Variants in QTMAN observed in about 807,000 individuals in gnomAD.
QTMAN encodes queuosine-tRNA mannosyltransferase.
chr2:144,239,900 T>G, the QTMAN span, among the ~76,000 whole-genome samples: 5 of 152,178 alleles, frequency 3.3e-5, no homozygotes, highest in African/African-American at 1.2e-4. Context: ...GCATATTTCC[T>G]AAATAAAAGC....
the QTMAN span, among the ~76,000 whole-genome samples, chr2:144,189,591 C>T: frequency 6.6e-6 from 1 of 152,000 alleles, no homozygotes; most frequent in Admixed American, 6.6e-5. Context: ...TGTTCTGTTC[C>T]CTGGGAGACT....
At chr2:144,287,643 A>G in the QTMAN span, among the ~76,000 whole-genome samples, 1 of 152,168 alleles carries the variant, frequency 6.6e-6, no homozygotes, top group Non-Finnish European at 1.5e-5. Context: ...TACTAAACCT[A>G]GATCTATCTC....
At chr2:144,169,577 A>T in the QTMAN span, among the ~76,000 whole-genome samples, 4 of 152,110 alleles carry the variant, frequency 2.6e-5, no homozygotes, top group African/African-American at 9.6e-5. Context: ...TTTTATTGTT[A>T]TTCAAATGGA....
the QTMAN span, among the ~76,000 whole-genome samples, chr2:144,208,965 C>T: frequency 8.5e-5 from 13 of 152,182 alleles, no homozygotes; most frequent in East Asian, 1.7e-3. Context: ...GTATATAACA[C>T]TTAAAGTTTT....
chr2:143,987,591 C>G, the QTMAN span, among the ~76,000 whole-genome samples: 4 of 152,184 alleles, frequency 2.6e-5, no homozygotes, highest in Admixed American at 1.3e-4. Context: ...GAAGTTATAT[C>G]AATACATGTG....
the QTMAN span, chr2:144,141,819 A>G: frequency 3.1e-6 from 4 of 1,282,334 alleles, no homozygotes; most frequent in Non-Finnish European, 4.4e-6. Context: ...AAGAACATCA[A>G]TTTTTATACA....
the QTMAN span, chr2:143,957,251 C>G: frequency 6.2e-7 from 1 of 1,612,610 alleles, no homozygotes; most frequent in Admixed American, 1.7e-5. Context: ...CAGCCATGCA[C>G]AGTACTTGGA....
the QTMAN span, among the ~76,000 whole-genome samples, chr2:144,092,244 C>T: frequency 2.6e-5 from 4 of 151,350 alleles, no homozygotes; most frequent in East Asian, 2.0e-4. Flanking sequence ...GGCATGATCT[C>T]GGCTCACTGC....
the QTMAN span, among the ~76,000 whole-genome samples, chr2:144,088,321 A>G: frequency 6.6e-6 from 1 of 152,060 alleles, no homozygotes; most frequent in Non-Finnish European, 1.5e-5. Flanking sequence ...AGGTGTGAAG[A>G]TAAAACAGAC....
chr2:144,032,520 G>A, the QTMAN span, among the ~76,000 whole-genome samples: 1 of 152,178 alleles, frequency 6.6e-6, no homozygotes, highest in African/African-American at 2.4e-5. Context: ...TATCCGTCTT[G>A]CATATTATAA....
At chr2:144,237,196 A>G in the QTMAN span, 19 of 152,140 alleles carry the variant, frequency 1.2e-4, no homozygotes, top group Non-Finnish European at 2.5e-4. Context: ...ATATGAAAAA[A>G]TAAACAATAA....
the QTMAN span, among the ~76,000 whole-genome samples, chr2:144,187,926 G>A: frequency 6.6e-6 from 1 of 152,008 alleles, no homozygotes; most frequent in Non-Finnish European, 1.5e-5. Context: ...TATAAAAAAG[G>A]ACACACACAC....
chr2:143,951,922 G>C, the QTMAN span: 1 of 813,784 alleles, frequency 1.2e-6, no homozygotes, highest in South Asian at 1.6e-5. Context: ...TTTTTTTTAA[G>C]ATTTTTCTTT....
chr2:144,120,612 A>T, the QTMAN span, among the ~76,000 whole-genome samples: 1 of 152,180 alleles, frequency 6.6e-6, no homozygotes, highest in Non-Finnish European at 1.5e-5. Flanking sequence ...ATTTACACAC[A>T]TTCCCACGAA....
the QTMAN span, among the ~76,000 whole-genome samples, chr2:144,315,113 G>A: frequency 6.6e-6 from 1 of 151,976 alleles, no homozygotes; most frequent in East Asian, 1.9e-4. Flanking sequence ...CTCAAACTCC[G>A]ACCTCAGGTA....
At chr2:144,217,297 T>C in the QTMAN span, among the ~76,000 whole-genome samples, 1 of 152,074 alleles carries the variant, frequency 6.6e-6, no homozygotes, top group Non-Finnish European at 1.5e-5. Flanking sequence ...ATCCAGGTCT[T>C]CCAACTCCAT....
At chr2:144,232,270 G>A in the QTMAN span, among the ~76,000 whole-genome samples, 1 of 152,120 alleles carries the variant, frequency 6.6e-6, no homozygotes, top group Non-Finnish European at 1.5e-5. Context: ...AAAATAACAG[G>A]TGAGTTTATT....
the QTMAN span, among the ~76,000 whole-genome samples, chr2:144,303,782 G>C: frequency 6.6e-6 from 1 of 152,116 alleles, no homozygotes; most frequent in East Asian, 1.9e-4. Flanking sequence ...TTTTCAGACA[G>C]TAGACAATAA....
chr2:144,268,301 G>C, the QTMAN span, among the ~76,000 whole-genome samples: 2 of 152,024 alleles, frequency 1.3e-5, no homozygotes, highest in Non-Finnish European at 2.9e-5. Flanking sequence ...CATGTTTCTT[G>C]TACAGCCTGC....
Sources: allele counts gnomAD v4.1 joint callset (sites outside exome capture counted in the v4.1 genomes callset), GRCh38; gene constraint gnomAD v4.1.1; transcripts MANE v1.5; gene names NCBI Gene and HGNC (gene_info 2026-07-23, HGNC 2026-07-21).